Variants in KAZN observed in about 807,000 individuals in gnomAD.
KAZN encodes kazrin, periplakin interacting protein.
KAZN carries 40 observed loss-of-function variants against 87.4 expected under a neutral mutation model. The ratio of observed to expected loss-of-function variants is 0.46; its 90% confidence interval spans 0.36 to 0.60. The LOEUF is 0.60. Ranked by LOEUF, KAZN falls within the 20% of genes least tolerant of loss-of-function variation. The probability of loss-of-function intolerance (pLI) is 0.00; values close to 1 mark genes in which losing one functional copy is unlikely to be tolerated. For synonymous variants in KAZN, 466 were observed against 458.3 expected, an observed-to-expected ratio of 1.02 and a Z score of -0.22; for missense variants, 898 against 1,073.9, an observed-to-expected ratio of 0.84 and a Z score of 2.29.
rs115766389 is a variant in KAZN, at chr1:14,589,424, G to A, written c.250-9559G>A. Among the ~76,000 whole-genome samples, 1,257 of 151,976 alleles carry A rather than the reference G, an allele frequency of 8.3e-3. 22 individuals are homozygous for A. Among genetic ancestry groups the A allele is most frequent in the African/African-American group, 0.028 (1,155 of 41,452 alleles). On this transcript the variant is annotated intron_variant, in intron 2 of 16. Coordinates refer to the KAZN transcript ENST00000636203. ...TATAGACACAGCATCCTAACAAGTC[G>A]GCCATTGAACAAAATATCTCCCTTC...
chr1:14,774,429 C>T (rs1057241633), intron 1 of KAZN, among the ~76,000 whole-genome samples: 2 of 151,842 alleles, frequency 1.3e-5, no homozygotes, highest in Non-Finnish European at 2.9e-5. Context: ...CACCCACACT[C>T]ACCCTCACAA....
intron 1 of KAZN, among the ~76,000 whole-genome samples, chr1:14,114,068 T>C (rs998001713): frequency 4.6e-5 from 7 of 152,340 alleles, no homozygotes; most frequent in East Asian, 1.9e-4. Flanking sequence ...TCCAAGGCCT[T>C]GCAGTGCAGC....
chr1:14,182,696 A>T lies in KAZN; in HGVS notation c.249+2104A>T, dbSNP rs552553615. ...AGACACGTAAAAATATGTCATTTTT[A>T]AAAAAAGACTCTTTATTGGGCATTT... is the stretch of plus-strand genomic sequence containing the variant. On this transcript the variant is annotated intron_variant, in intron 2 of 16. Coordinates refer to the KAZN transcript ENST00000636203. Among the ~76,000 whole-genome samples, 1,059 of 152,228 alleles carry T rather than the reference A, an allele frequency of 7.0e-3. 9 individuals are homozygous for T. The highest frequency in any genetic ancestry group is 0.01 in the Non-Finnish European group (706 of 68,008).
chr1:14,854,116 C>T (rs1010930340), intron 1 of KAZN, among the ~76,000 whole-genome samples: 7 of 152,290 alleles, frequency 4.6e-5, no homozygotes, highest in Admixed American at 4.6e-4. Context: ...CAACCCTAGA[C>T]CTACCCCCCG....
At chr1:15,103,081 G>A (rs901971575) in intron 11 of KAZN, among the ~76,000 whole-genome samples, 2 of 152,202 alleles carry the variant, frequency 1.3e-5, no homozygotes, top group Admixed American at 6.5e-5. Flanking sequence ...TGGCCAACAT[G>A]GTGAAACCCC....
intron 1 of KAZN, among the ~76,000 whole-genome samples, chr1:14,753,556 A>G (rs1455084305): frequency 5.9e-5 from 9 of 152,020 alleles, no homozygotes; most frequent in Non-Finnish European, 5.9e-5. Context: ...GTGAGACCCC[A>G]CCTCTAATTA....
At chr1:14,305,314 A>T (rs1182831655) in intron 2 of KAZN, among the ~76,000 whole-genome samples, 1 of 152,190 alleles carries the variant, frequency 6.6e-6, no homozygotes, top group South Asian at 2.1e-4. Context: ...CTTGGAATTT[A>T]AGGATATTTT....
intron 4 of KAZN, among the ~76,000 whole-genome samples, chr1:15,048,373 A>G (rs1673812503): frequency 1.3e-5 from 2 of 152,112 alleles, no homozygotes; most frequent in Non-Finnish European, 2.9e-5. Context: ...CCACCCACAC[A>G]GCAACTTCTC....
chr1:14,715,665 A>C (rs555037951), intron 1 of KAZN, among the ~76,000 whole-genome samples: 26 of 152,294 alleles, frequency 1.7e-4, no homozygotes, highest in Non-Finnish European at 3.2e-4. Context: ...ATACAGGTTG[A>C]TATTTTTCCT....
Position 14,681,611 on chromosome 1 carries a change from GTGTA to G in KAZN, c.226+82390_226+82393del, listed in dbSNP as rs1409719662. On this transcript the variant is annotated intron_variant, in intron 1 of 14. Coordinates refer to ENST00000376030, the MANE Select transcript of KAZN (RefSeq NM_201628.3). ...ATTTTAACTATATATATATGTATATGTGTATATATATATATATATATATATATAT... is the reference window on the plus strand; with the variant it reads ...ATTTTAACTATATATATATGTATATGTATATATATATATATATATATATAT... Among the ~76,000 whole-genome samples, 177 of 33,864 alleles carry G rather than the reference GTGTA, an allele frequency of 5.2e-3. 5 individuals are homozygous for G. Among genetic ancestry groups the G allele is most frequent in the Middle Eastern group, 0.033 (2 of 60 alleles). 22.2% of individuals were successfully genotyped at this position (33,864 alleles called of 152,430 possible). A position where few individuals can be genotyped will look rare whatever the true frequency, so the allele number is the denominator to read the frequency against.
intron 1 of KAZN, among the ~76,000 whole-genome samples, chr1:14,682,291 CTT>C (rs55908428): frequency 7.6e-5 from 11 of 144,130 alleles, no homozygotes; most frequent in Admixed American, 1.4e-4. Context: ...TCAGAATTTC[CTT>C]TTTTTTTTTT....
At position 14,958,980 on chromosome 1, in the gene KAZN, G is replaced by A. The variant is rs190616297; in HGVS notation, c.227-1704G>A. On this transcript the variant is annotated intron_variant, in intron 1 of 14. Coordinates refer to ENST00000376030, the MANE Select transcript of KAZN (RefSeq NM_201628.3). ...GTTCTAGGCATGAGGATGCGGCCATGGACAAAACAGACTCAAGTTCCCGCC... is the reference window on the plus strand; with the variant it reads ...GTTCTAGGCATGAGGATGCGGCCATAGACAAAACAGACTCAAGTTCCCGCC... Among the ~76,000 whole-genome samples the A allele has an allele frequency of 1.7e-3, 258 of 152,354 alleles. 2 individuals carry two copies. The highest frequency in any genetic ancestry group is 6.0e-3 in the African/African-American group (248 of 41,588).
At chr1:14,780,149 G>C (rs536614896) in intron 1 of KAZN, among the ~76,000 whole-genome samples, 1 of 152,326 alleles carries the variant, frequency 6.6e-6, no homozygotes, top group Admixed American at 6.5e-5. Context: ...AGCTAAACGT[G>C]TTTCTTCTTT....
In KAZN at chr1:14,856,856, A is replaced by C. The variant is rs1390476299; in HGVS notation, c.227-103828A>C. On this transcript the variant is annotated intron_variant, in intron 1 of 14. Coordinates refer to ENST00000376030, the MANE Select transcript of KAZN (RefSeq NM_201628.3). The surrounding 1 kb of genome is among the most constrained non-coding windows in gnomAD (Gnocchi z 5.2). ...TTTTTTCCTCTGTTGTCATCCTTTG[A>C]TGCTTCTCCTTGGGAGGTGTGTGAA... 6.6e-6 allele frequency among the ~76,000 whole-genome samples: 1 copy of C among 152,150 alleles called. No individual in the cohort carries two copies. The highest frequency in any genetic ancestry group is 1.5e-5 in the Non-Finnish European group (1 of 68,038).
intron 8 of KAZN, chr1:15,067,802 C>T: frequency 2.0e-6 from 2 of 985,130 alleles, no homozygotes; most frequent in Non-Finnish European, 2.4e-6. Flanking sequence ...GGGAGCGACC[C>T]AAGCTGGCAT....
At chr1:14,960,561 T>C (rs1220820136) in intron 1 of KAZN, 123 bp from the exon 2 acceptor site, 1 of 993,030 alleles carries the variant, frequency 1.0e-6, no homozygotes, top group Non-Finnish European at 1.5e-6. Context: ...CCTTCACACA[T>C]GTAGGAAAGG....
intron 1 of KAZN, among the ~76,000 whole-genome samples, chr1:14,694,263 C>T (rs921559356): frequency 2.6e-5 from 4 of 152,236 alleles, no homozygotes; most frequent in Admixed American, 2.0e-4. Flanking sequence ...CTCAGCTCAC[C>T]CATCTGTCAC....
Position 14,561,268 on chromosome 1 carries a change from G to A in KAZN, c.250-37715G>A, listed in dbSNP as rs1402151476. 6.6e-5 allele frequency among the ~76,000 whole-genome samples: 10 copies of A among 152,194 alleles called. 1 individual carries two copies. The highest frequency in any genetic ancestry group is 3.9e-4 in the East Asian group (2 of 5,192). On this transcript the variant is annotated intron_variant, in intron 2 of 16. Coordinates refer to the KAZN transcript ENST00000636203. ...ACTCCCAAAGAAATGGGAATATTCC[G>A]AGTGGGTAAACACTCTGGGGTTTCC...
intron 1 of KAZN, among the ~76,000 whole-genome samples, chr1:14,869,979 G>A (rs144146271): frequency 9.9e-5 from 15 of 152,220 alleles, no homozygotes; most frequent in East Asian, 5.8e-4. Context: ...CAAGGTATCC[G>A]GGGAAAAATG....
Sources: gnomAD v4.1 joint callset for allele counts (sites outside exome capture counted in the v4.1 genomes callset) on GRCh38, gnomAD v4.1.1 for gene constraint, Gnocchi (gnomAD v3.1) non-coding constraint, MANE v1.5 for transcripts, NCBI Gene and HGNC (gene_info 2026-07-23, HGNC 2026-07-21) for gene names.